The following CCL28 variants were observed in gnomAD, a reference collection of about 807,000 sequenced individuals.
CCL28 encodes C-C motif chemokine 28.
In CCL28, 4 loss-of-function variants were observed where a neutral mutation model predicts 7.1. That is an observed-to-expected ratio of 0.56 (90% CI 0.28 to 1.29). The LOEUF is 1.29. Ranked by LOEUF, CCL28 falls within the 50% of genes most tolerant of loss-of-function variation. CCL28 has a pLI of 0.11. For missense variants in CCL28, 151 were observed against 163.4 expected, an observed-to-expected ratio of 0.92 and a Z score of 0.41; for synonymous variants, 55 against 57.8, an observed-to-expected ratio of 0.95 and a Z score of 0.22.
chr5:43,397,678 C>T lies in CCL28; in HGVS notation c.65-9202G>A, dbSNP rs183826688. 3.9e-5 allele frequency among the ~76,000 whole-genome samples: 6 copies of T among 152,296 alleles called. No homozygotes were observed. The East Asian group carries it at 1.2e-3, about 29-fold the overall frequency. On this transcript the variant is annotated intron_variant, in intron 1 of 2. Coordinates refer to ENST00000361115, the MANE Select transcript of CCL28 (RefSeq NM_148672.3). Reference sequence around the variant, plus strand: ...AAAACAAAATCTGACTGCATTTTCACGCCTCGATCATCTCTCTTGCCTCAC... The same window carrying T: ...AAAACAAAATCTGACTGCATTTTCATGCCTCGATCATCTCTCTTGCCTCAC...
the CCL28 span, among the ~76,000 whole-genome samples, chr5:43,361,268 G>A: frequency 6.6e-6 from 1 of 152,176 alleles, no homozygotes; most frequent in Non-Finnish European, 1.5e-5. Context: ...TGTGAACAGG[G>A]CTACAATGAA....
downstream of CCL28, among the ~76,000 whole-genome samples, chr5:43,378,327 G>A (rs2111666658): frequency 6.6e-6 from 1 of 152,202 alleles, no homozygotes; most frequent in South Asian, 2.1e-4. Context: ...CTCCAGCCTG[G>A]GCAACAGAGC....
In CCL28 at chr5:43,388,518, A is replaced by G; in HGVS notation, c.65-42T>C. 2.5e-6 allele frequency: 4 copies of G among 1,592,734 alleles called. 1 individual carries two copies. The South Asian group carries it at 3.4e-5, about 13-fold the overall frequency. On this transcript the variant is annotated intron_variant, in intron 1 of 2. Coordinates refer to ENST00000361115, the MANE Select transcript of CCL28 (RefSeq NM_148672.3). ...AAGAAAATGTTAAATTTTACGGTTT[A>G]TAGAACACTGGCATGGTTCTCATTT...
chr5:43,362,158 T>A, the CCL28 span, among the ~76,000 whole-genome samples: 51 of 152,194 alleles, frequency 3.4e-4, no homozygotes, highest in Non-Finnish European at 1.5e-5. Context: ...GTTTGTGTCA[T>A]CTCTGATTTC....
chr5:43,410,208 G>A (rs1741480450), intron 1 of CCL28, among the ~76,000 whole-genome samples: 1 of 152,050 alleles, frequency 6.6e-6, no homozygotes, highest in South Asian at 2.1e-4. Context: ...CTCCCCACTT[G>A]GTTTTCCACC....
At chr5:43,387,205 T>C (rs1007209460) in intron 2 of CCL28, among the ~76,000 whole-genome samples, 5 of 152,180 alleles carry the variant, frequency 3.3e-5, no homozygotes, top group Non-Finnish European at 7.3e-5. Flanking sequence ...TGCTTTAGAA[T>C]GACATTGGAG....
chr5:43,411,616 G>A (rs558641023), intron 1 of CCL28, among the ~76,000 whole-genome samples: 7 of 151,970 alleles, frequency 4.6e-5, no homozygotes, highest in Non-Finnish European at 1.0e-4. Flanking sequence ...GAGTGCAGTG[G>A]CAATTCACAG....
chr5:43,367,933 TC>T, the CCL28 span, among the ~76,000 whole-genome samples: 1 of 152,210 alleles, frequency 6.6e-6, no homozygotes, highest in Non-Finnish European at 1.5e-5. Flanking sequence ...AATCTTCAAG[TC>T]ACTACCCAGA....
At position 43,380,474 on chromosome 5, in the gene CCL28, T is replaced by TAACATTA. The variant is rs1231321691; in HGVS notation, c.*1385_*1386insTAATGTT. ...TACACGAATTCACGTAGGAAATTCT[T>TAACATTA]AACCAAAAACATTAAACCTGAATTT... On this transcript the variant is annotated 3_prime_UTR_variant, in exon 3 of 3. Coordinates refer to ENST00000361115, the MANE Select transcript of CCL28 (RefSeq NM_148672.3). 1 of 152,212 alleles carries TAACATTA rather than the reference T, an allele frequency of 6.6e-6. No individual in the cohort carries two copies. Among genetic ancestry groups the TAACATTA allele is most frequent in the Non-Finnish European group, 1.5e-5 (1 of 68,046 alleles). The allele number at this position is 152,212 out of a possible 1,614,324, so 9.4% of individuals were successfully genotyped here.
chr5:43,372,188 T>C (rs1561149137), downstream of CCL28, among the ~76,000 whole-genome samples: 2 of 152,160 alleles, frequency 1.3e-5, no homozygotes, highest in Non-Finnish European at 2.9e-5. Flanking sequence ...AATTTCAATA[T>C]GAGTTTTGGG....
chr5:43,382,140 G>T, intron 2 of CCL28, 88 bp from the exon 3 acceptor site: 1 of 1,161,072 alleles, frequency 8.6e-7, no homozygotes, highest in Non-Finnish European at 1.2e-6. Flanking sequence ...CCCACTTTGG[G>T]ACACTGTATT....
intron 1 of CCL28, among the ~76,000 whole-genome samples, chr5:43,402,262 A>G (rs539086189): frequency 6.6e-6 from 1 of 152,200 alleles, no homozygotes; most frequent in South Asian, 2.1e-4. Context: ...TTTCTAGCCT[A>G]TCTCTTGTTA....
chr5:43,385,588 CTATT>C (rs1740305629), intron 2 of CCL28, among the ~76,000 whole-genome samples: 1 of 152,106 alleles, frequency 6.6e-6, no homozygotes, highest in Non-Finnish European at 1.5e-5. Context: ...GAATCTTTAT[CTATT>C]CTTGTTGAAC....
At chr5:43,363,742 G>T in the CCL28 span, among the ~76,000 whole-genome samples, 1 of 152,064 alleles carries the variant, frequency 6.6e-6, no homozygotes, top group African/African-American at 2.4e-5. Context: ...TTAGAGTGTT[G>T]GTACCTCTTT....
chr5:43,394,343 T>G (rs1048712442), intron 1 of CCL28, among the ~76,000 whole-genome samples: 44 of 152,332 alleles, frequency 2.9e-4, no homozygotes, highest in African/African-American at 1.1e-3. Flanking sequence ...TAGAATCAGT[T>G]TGCTTAGTTC....
At chr5:43,360,116 T>C in the CCL28 span, among the ~76,000 whole-genome samples, 2 of 152,170 alleles carry the variant, frequency 1.3e-5, no homozygotes, top group African/African-American at 4.8e-5. Context: ...GGTTTATCCA[T>C]GCAGCAGATA....
the CCL28 span, among the ~76,000 whole-genome samples, chr5:43,362,905 G>T: frequency 6.6e-6 from 1 of 152,104 alleles, no homozygotes; most frequent in Non-Finnish European, 1.5e-5. Flanking sequence ...TCCTTTCAGG[G>T]AATCAGAACC....
chr5:43,376,573 G>T (rs891510589), downstream of CCL28: 1 of 152,236 alleles, frequency 6.6e-6, no homozygotes, highest in Non-Finnish European at 1.5e-5. Context: ...AACATAGGAG[G>T]ATAGTGTCAT....
chr5:43,360,739 G>A, the CCL28 span, among the ~76,000 whole-genome samples: 1 of 152,034 alleles, frequency 6.6e-6, no homozygotes, highest in Non-Finnish European at 1.5e-5. Context: ...TTTGAAAAGT[G>A]TCTGTTCACA....
Sources: allele counts gnomAD v4.1 joint callset (sites outside exome capture counted in the v4.1 genomes callset), GRCh38; gene constraint gnomAD v4.1.1; transcripts MANE v1.5; gene names NCBI Gene and HGNC (gene_info 2026-07-23, HGNC 2026-07-21).